Variants in BIRC6 observed in about 807,000 individuals in gnomAD.
BIRC6 encodes dual E2 ubiquitin-conjugating enzyme/E3 ubiquitin-protein ligase BIRC6.
BIRC6 carries 98 observed loss-of-function variants against 503.3 expected under a neutral mutation model. That is an observed-to-expected ratio of 0.19 (90% confidence interval 0.17 to 0.23). BIRC6 has a LOEUF of 0.23. BIRC6 is among the 10% of genes least tolerant of loss of function. BIRC6 has a pLI of 1.00. For synonymous variants in BIRC6, 2,240 were observed against 2,078.7 expected (o/e 1.08, Z -2.11); for missense variants, 5,360 against 5,806.0 (o/e 0.92, Z 2.50).
intron 10 of BIRC6, among the ~76,000 whole-genome samples, chr2:32,421,414 T>C (rs538024278): frequency 6.6e-6 from 1 of 152,304 alleles, no homozygotes; most frequent in South Asian, 2.1e-4. Context: ...TTCTTTAGTT[T>C]CTTAAAGTAG....
Position 32,464,811 on chromosome 2 carries a change from C to G in BIRC6, c.5244C>G (p.Asn1748Lys). ...VNLAAHNKNS[N>K]KSRMNPLGSG... ...TTGCTGCACATAACAAAAATTCCAACAAGTCCAGAATGGTAAATTATGTTT... is the reference window on the plus strand; with the variant it reads ...TTGCTGCACATAACAAAAATTCCAAGAAGTCCAGAATGGTAAATTATGTTT... The change falls in exon 25 of 74, where the codon AAC becomes AAG. Residue 1748 changes from asparagine (N) to lysine (K), a missense_variant. This residue lies in a region of BIRC6 where 2,299 missense variants were observed against 2,267.2 expected (regional missense o/e 1.01). Coordinates refer to ENST00000421745, the MANE Select transcript of BIRC6 (RefSeq NM_016252.4). 1 of 1,609,068 alleles carries G rather than the reference C, an allele frequency of 6.2e-7. No homozygotes were observed. The highest frequency in any genetic ancestry group is 8.5e-7 in the Non-Finnish European group (1 of 1,176,516).
intron 23 of BIRC6, among the ~76,000 whole-genome samples, chr2:32,459,933 T>TAATAA (rs1214625283): frequency 8.6e-5 from 13 of 151,434 alleles, no homozygotes; most frequent in Admixed American, 6.6e-5. Flanking sequence ...GCTATATTAT[T>TAATAA]AATTTTAAAA....
In BIRC6 at chr2:32,415,286, A is replaced by G. The variant is rs754499274; in HGVS notation, c.1995A>G (p.Pro665=). ...TGCATGATGATGGTTTTACTGTTCC[A>G]CAGATTATTGAAATGGAGCTGGATA... ...KSLHDDGFTV[P]QIIEMELDSQ... is the part of the protein sequence containing the mutation. The change falls in exon 10 of 74, where the codon CCA becomes CCG. Residue 665 remains proline, a synonymous_variant. Transcript: ENST00000421745. The G allele has an allele frequency of 1.9e-6, 3 of 1,614,044 alleles. No individual in the cohort carries two copies. The highest frequency in any genetic ancestry group is 2.5e-6 in the Non-Finnish European group (3 of 1,179,896).
intron 31 of BIRC6, 33 bp downstream of exon 31, chr2:32,470,334 A>G: frequency 1.3e-6 from 2 of 1,485,710 alleles, no homozygotes; most frequent in Non-Finnish European, 1.8e-6. Context: ...TTTAGTAAAA[A>G]CAATATTCCT....
intron 65 of BIRC6, among the ~76,000 whole-genome samples, chr2:32,570,721 A>G (rs2059858325): frequency 1.3e-5 from 2 of 151,300 alleles, no homozygotes; most frequent in East Asian, 1.9e-4. Flanking sequence ...CTGGTCTCGA[A>G]CTCCTGACCT....
chr2:32,504,187 C>CTGTG (rs1162572275), intron 49 of BIRC6, among the ~76,000 whole-genome samples: 2 of 152,050 alleles, frequency 1.3e-5, no homozygotes, highest in Non-Finnish European at 2.9e-5. Flanking sequence ...GCATGAGCCA[C>CTGTG]TGTGCCTGGC....
intron 73 of BIRC6, among the ~76,000 whole-genome samples, chr2:32,613,438 T>C (rs1334067325): frequency 6.6e-6 from 1 of 152,036 alleles, no homozygotes; most frequent in South Asian, 2.1e-4. Context: ...TGGAGTGCAG[T>C]GGCTTGATCT....
At chr2:32,586,465 C>T (rs2061041173) in intron 66 of BIRC6, among the ~76,000 whole-genome samples, 1 of 107,190 alleles carries the variant, frequency 9.3e-6, no homozygotes, top group Non-Finnish European at 1.7e-5. Flanking sequence ...CAGGGTTAAA[C>T]TCTGTCACCC....
At chr2:32,425,677 C>A (rs375378919) in intron 10 of BIRC6, among the ~76,000 whole-genome samples, 6 of 152,182 alleles carry the variant, frequency 3.9e-5, no homozygotes, top group Admixed American at 1.3e-4. Flanking sequence ...AAAAAGAGTT[C>A]TATCTCTTTA....
chr2:32,357,353 C>G lies in BIRC6; in HGVS notation c.192C>G (p.His64Gln). 4 of 1,545,886 alleles carry G rather than the reference C, an allele frequency of 2.6e-6. No homozygotes were observed. Among genetic ancestry groups the G allele is most frequent in the Non-Finnish European group, 3.5e-6 (4 of 1,146,242 alleles). ...EWLVLRDGCMHCDADGLHSLS... is the reference protein window; with the variant it reads ...EWLVLRDGCMQCDADGLHSLS... ...TGGTGCTGCGGGACGGCTGCATGCACTGCGACGCCGACGGGCTGCACAGCC... is the reference window on the plus strand; with the variant it reads ...TGGTGCTGCGGGACGGCTGCATGCAGTGCGACGCCGACGGGCTGCACAGCC... The change falls in exon 1 of 74, where the codon CAC (histidine) becomes CAG (glutamine). Residue 64 changes from histidine (H) to glutamine (Q), a missense_variant. Transcript: ENST00000421745. The surrounding 1 kb of genome is among the most constrained non-coding windows in gnomAD (Gnocchi z 4.9).
In BIRC6 at chr2:32,439,566, A is replaced by C. The variant is rs754784667; in HGVS notation, c.3690A>C (p.Arg1230Ser). 17 of 1,613,832 alleles carry C rather than the reference A, an allele frequency of 1.1e-5. No individual in the cohort carries two copies. Among genetic ancestry groups the C allele is most frequent in the Non-Finnish European group, 1.4e-5 (17 of 1,179,848 alleles). The change falls in exon 16 of 74, where the codon AGA (arginine) becomes AGC (serine). Residue 1230 changes from arginine (R) to serine (S), a missense_variant. By Grantham distance (110) the Arg-to-Ser change is moderately radical. Coordinates refer to ENST00000421745, the MANE Select transcript of BIRC6 (RefSeq NM_016252.4). ...FLIHVKAVNE[R>S]GTEEICNGGM... is the part of the protein sequence containing the mutation. ...TCCATGTCAAGGCAGTGAATGAAAG[A>C]GGAACAGAAGAGATTTGTAATGGTG...
intron 23 of BIRC6, among the ~76,000 whole-genome samples, chr2:32,456,733 G>C (rs550953477): frequency 1.1e-4 from 17 of 152,204 alleles, no homozygotes; most frequent in African/African-American, 4.1e-4. Flanking sequence ...TTTTGGTCAA[G>C]TTTGCTAGTT....
At chr2:32,368,809 G>A (rs772396237) in intron 1 of BIRC6, among the ~76,000 whole-genome samples, 2 of 152,034 alleles carry the variant, frequency 1.3e-5, no homozygotes, top group African/African-American at 2.4e-5. Context: ...GTACCACCAT[G>A]CCCAGCTAAT....
rs1387745361 is a variant in BIRC6 at position 32,552,802 on chromosome 2, A to G, written c.13144+3321A>G. Among the ~76,000 whole-genome samples, 3 of 151,836 alleles carry G rather than the reference A, an allele frequency of 2.0e-5. No individual in the cohort carries two copies. In the East Asian group the frequency reaches 5.8e-4, roughly 29 times the overall value. On this transcript the variant is annotated intron_variant, in intron 65 of 73. Transcript: ENST00000421745. ...ACAGAGGGAAACCCTGTCTCAAATA[A>G]ATAAATAGTAGCCACTTAAAAAATT...
At chr2:32,460,683 A>C (rs187059034) in intron 23 of BIRC6, among the ~76,000 whole-genome samples, 5 of 151,898 alleles carry the variant, frequency 3.3e-5, no homozygotes, top group Non-Finnish European at 5.9e-5. Context: ...GATTAGTTCT[A>C]TAGTATCAGG....
At chr2:32,573,377 G>GTAGAGACGGGGTTTCACC in intron 65 of BIRC6, among the ~76,000 whole-genome samples, 1 of 152,020 alleles carries the variant, frequency 6.6e-6, no homozygotes, top group Non-Finnish European at 1.5e-5. Context: ...TTCGTATTTA[G>GTAGAGACGGGGTTTCACC]TAGAGACGGG....
chr2:32,519,132 G>A, intron 57 of BIRC6, 186 bp downstream of exon 57: 1 of 559,000 alleles, frequency 1.8e-6, no homozygotes, highest in Non-Finnish European at 3.0e-6. Flanking sequence ...AATACTTTTA[G>A]GCACCCCTAA....
At chr2:32,439,949 G>A (rs1243479505) in intron 16 of BIRC6, among the ~76,000 whole-genome samples, 1 of 151,852 alleles carries the variant, frequency 6.6e-6, no homozygotes, top group Non-Finnish European at 1.5e-5. Context: ...CGCAAACTCG[G>A]CTCACTGCAA....
In BIRC6 at chr2:32,529,836, A is replaced by C. The variant is rs762731421; in HGVS notation, c.12094+12A>C. The C allele has an allele frequency of 2.4e-5, 36 of 1,519,714 alleles. No homozygotes were observed. The Middle Eastern group carries it at 6.9e-4, about 29-fold the overall frequency. The allele number at this position is 1,519,714 out of a possible 1,614,324, so 94.1% of individuals were successfully genotyped here. ...ACACCCTGAAAAAGGTATGTGCATA[A>C]TACTACTTTAAAAATTACAGACTGT... On this transcript the variant is annotated intron_variant, in intron 60 of 73. Transcript: ENST00000421745.
Sources: allele counts gnomAD v4.1 joint callset (sites outside exome capture counted in the v4.1 genomes callset), GRCh38; gene constraint gnomAD v4.1.1; regional missense constraint gnomAD v4.1.1; non-coding constraint Gnocchi (gnomAD v3.1); transcripts MANE v1.5; gene names NCBI Gene and HGNC (gene_info 2026-07-23, HGNC 2026-07-21).